The following MBTD1 variants were observed in gnomAD, a reference collection of about 807,000 sequenced individuals.
The protein encoded by MBTD1 is mbt domain containing 1.
In MBTD1, 24 loss-of-function variants were observed where a neutral mutation model predicts 87.8. That is an observed-to-expected ratio of 0.27 (90% CI 0.20 to 0.38). MBTD1 has a LOEUF of 0.38. MBTD1 is among the 10% of genes least tolerant of loss of function. The pLI is 1.00. For synonymous variants in MBTD1, 237 were observed against 248.6 expected (o/e 0.95, Z 0.44); for missense variants, 436 against 760.2 (o/e 0.57, Z 5.02).
In MBTD1 at chr17:51,234,670, A is replaced by T. The variant is rs540062965; in HGVS notation, c.-48-9461T>A. Among the ~76,000 whole-genome samples, 33 of 152,288 alleles carry T rather than the reference A, an allele frequency of 2.2e-4. No homozygotes were observed. In the South Asian group the frequency reaches 6.4e-3, roughly 30 times the overall value. ...GCTTTACTGGGGAATTCTACTTAGG[A>T]AATACTACAGACTTTATACCAACTT... On this transcript the variant is annotated intron_variant, in intron 2 of 16. Transcript: ENST00000586178.
chr17:51,193,321 C>T (rs2050902570), intron 14 of MBTD1, 107 bp downstream of exon 14: 2 of 716,180 alleles, frequency 2.8e-6, no homozygotes, highest in East Asian at 2.7e-5. Flanking sequence ...TATATTATAT[C>T]TCCACTAAGA....
chr17:51,212,479 G>A (rs1250436343), intron 6 of MBTD1, among the ~76,000 whole-genome samples: 2 of 149,156 alleles, frequency 1.3e-5, no homozygotes, highest in Non-Finnish European at 3.0e-5. Flanking sequence ...CTGTATTTGA[G>A]GGAGAAAATG....
intron 5 of MBTD1, 83 bp downstream of exon 5, chr17:51,218,845 CAG>C (rs1449041224): frequency 4.9e-6 from 4 of 822,274 alleles, no homozygotes; most frequent in African/African-American, 1.7e-5. Context: ...GCTAGTTAAA[CAG>C]AATTCAAAAT....
chr17:51,192,327 T>TATC, intron 15 of MBTD1, 47 bp from the exon 16 acceptor site: 1 of 1,323,730 alleles, frequency 7.6e-7, no homozygotes, highest in Non-Finnish European at 1.1e-6. Flanking sequence ...TGTTTACAAT[T>TATC]TAGACGATAC....
upstream of MBTD1, chr17:51,260,161 G>A: frequency 2.7e-6 from 1 of 367,050 alleles, no homozygotes; most frequent in Non-Finnish European, 4.9e-6. Context: ...TGCAGGCTCC[G>A]TACTCCAAGG....
intron 2 of MBTD1, among the ~76,000 whole-genome samples, chr17:51,231,441 AT>A (rs10717038): frequency 0.61 from 92,393 of 151,376 alleles, 28,610 homozygotes; most frequent in African/African-American, 0.72. Flanking sequence ...AGCTGTTAGT[AT>A]TTTTTTTTTA....
intron 2 of MBTD1, 163 bp from the exon 3 acceptor site, chr17:51,225,372 G>C: frequency 2.8e-6 from 1 of 353,220 alleles, no homozygotes; most frequent in Non-Finnish European, 4.9e-6. Flanking sequence ...AAAATGCTTT[G>C]AGACAGAGTC....
chr17:51,233,060 C>CAAAAAAAAA, intron 2 of MBTD1, among the ~76,000 whole-genome samples: 1 of 40,514 alleles, frequency 2.5e-5, no homozygotes, highest in Non-Finnish European at 4.1e-5. Context: ...CTTCCCTCAC[C>CAAAAAAAAA]AAAAAAAAAA....
chr17:51,229,112 C>T, intron 2 of MBTD1, among the ~76,000 whole-genome samples: 1 of 152,092 alleles, frequency 6.6e-6, no homozygotes, highest in Non-Finnish European at 1.5e-5. Context: ...GGAGGACTGC[C>T]TGAGCCCAGG....
At chr17:51,249,265 G>C (rs932143966) in intron 2 of MBTD1, among the ~76,000 whole-genome samples, 6 of 151,994 alleles carry the variant, frequency 3.9e-5, no homozygotes, top group Non-Finnish European at 7.4e-5. Context: ...GGGGGAAGCA[G>C]TATATTCTTG....
intron 2 of MBTD1, among the ~76,000 whole-genome samples, chr17:51,238,677 A>AACC (rs1386331913): frequency 2.0e-5 from 3 of 152,216 alleles, no homozygotes; most frequent in Non-Finnish European, 1.5e-5. Flanking sequence ...GAAAAAAGTG[A>AACC]ACCAATCAGT....
At chr17:51,213,510 T>C (rs1370702339) in intron 6 of MBTD1, among the ~76,000 whole-genome samples, 2 of 151,686 alleles carry the variant, frequency 1.3e-5, no homozygotes, top group East Asian at 3.9e-4. Context: ...AGGATAGATA[T>C]GGATACTGCT....
chr17:51,199,395 C>CA (rs1248894082), intron 12 of MBTD1, among the ~76,000 whole-genome samples: 2 of 150,740 alleles, frequency 1.3e-5, no homozygotes, highest in African/African-American at 4.9e-5. Flanking sequence ...AGGGCCCAGC[C>CA]TTTTTTTTTC....
At chr17:51,254,083 T>G (rs1420719927) in intron 2 of MBTD1, among the ~76,000 whole-genome samples, 3 of 152,198 alleles carry the variant, frequency 2.0e-5, no homozygotes, top group African/African-American at 7.2e-5. Flanking sequence ...AATTTTCAAA[T>G]TTTTATATTT....
intron 16 of MBTD1, among the ~76,000 whole-genome samples, chr17:51,182,765 G>A (rs1156460655): frequency 6.6e-6 from 1 of 152,108 alleles, no homozygotes; most frequent in Non-Finnish European, 1.5e-5. Flanking sequence ...CACATATATG[G>A]GGTGTAAATT....
At chr17:51,250,801 A>G (rs564959060) in intron 2 of MBTD1, 1 of 152,320 alleles carries the variant, frequency 6.6e-6, no homozygotes, top group African/African-American at 2.4e-5. Context: ...GAAGGACACC[A>G]ATTATATACA....
intron 6 of MBTD1, among the ~76,000 whole-genome samples, chr17:51,217,077 G>T (rs1204563642): frequency 6.6e-6 from 1 of 151,936 alleles, no homozygotes; most frequent in Non-Finnish European, 1.5e-5. Context: ...AAGAAAATTA[G>T]TATTTATAAG....
In MBTD1 at chr17:51,195,260, A is replaced by G. The variant is rs1568157962; in HGVS notation, c.1326T>C (p.Pro442=). 1 of 1,613,586 alleles carries G rather than the reference A, an allele frequency of 6.2e-7. No individual in the cohort carries two copies. The highest frequency in any genetic ancestry group is 8.5e-7 in the Non-Finnish European group (1 of 1,179,722). ...TCATGTTAATTTCACAGAAACCGAC[A>G]GGGAAAATAGAAGGAGAGGTTGCAT... ...CYHATSPSIF[P]VGFCEINMIE... The change falls in exon 13 of 17, where the codon CCT becomes CCC. Residue 442 remains proline, a synonymous_variant. Transcript: ENST00000586178.
At chr17:51,260,798 C>T (rs752926608), upstream of MBTD1, 9 of 1,581,308 alleles carry the variant, frequency 5.7e-6, no homozygotes, top group African/African-American at 2.7e-5. Context: ...AGAGAGACGG[C>T]TCCGGCAGCG....
Sources: allele counts gnomAD v4.1 joint callset (sites outside exome capture counted in the v4.1 genomes callset), GRCh38; gene constraint gnomAD v4.1.1; transcripts MANE v1.5; gene names NCBI Gene and HGNC (gene_info 2026-07-23, HGNC 2026-07-21).